BACH2: variants seen among roughly 807,000 people sequenced by gnomAD.
BACH2 encodes the protein transcription regulator protein BACH2.
In BACH2, 5 loss-of-function variants were observed where a neutral mutation model predicts 61.8. That is an observed-to-expected ratio of 0.08 (90% CI 0.04 to 0.17). BACH2 has a LOEUF of 0.17. Ranked by LOEUF, BACH2 falls within the 10% of genes least tolerant of loss-of-function variation. The pLI is 1.00. For missense variants in BACH2, 824 were observed against 1,091.1 expected (o/e 0.76, Z 3.45); for synonymous variants, 446 against 440.1 (o/e 1.01, Z -0.17).
chr6:90,123,189 G>A (rs1056574997), intron 4 of BACH2, among the ~76,000 whole-genome samples: 7 of 152,180 alleles, frequency 4.6e-5, no homozygotes, highest in African/African-American at 7.2e-5. Context: ...CAGAAGAGAA[G>A]ACAGAGGAGA....
chr6:90,040,466 T>A (rs544112179), intron 5 of BACH2, among the ~76,000 whole-genome samples: 9 of 152,126 alleles, frequency 5.9e-5, no homozygotes, highest in Admixed American at 2.0e-4. Flanking sequence ...ACGTTTGTAG[T>A]ATATTTTAAT....
intron 4 of BACH2, among the ~76,000 whole-genome samples, chr6:90,112,734 A>C (rs1212947539): frequency 6.6e-6 from 1 of 152,156 alleles, no homozygotes; most frequent in Non-Finnish European, 1.5e-5. Flanking sequence ...ACAATGACAT[A>C]ACCAAATTCA....
At chr6:90,122,407 GAACA>G (rs1489032901) in intron 4 of BACH2, among the ~76,000 whole-genome samples, 48 of 151,108 alleles carry the variant, frequency 3.2e-4, no homozygotes, top group African/African-American at 1.2e-3. Flanking sequence ...AGAACAACAA[GAACA>G]ATCAAAAAAA....
At chr6:90,102,822 AATAATAATAATAATAAT>A (rs1782708292) in intron 4 of BACH2, among the ~76,000 whole-genome samples, 2 of 139,868 alleles carry the variant, frequency 1.4e-5, no homozygotes, top group African/African-American at 2.6e-5. Context: ...TAATAATAAT[AATAATAATAATAATAAT>A]AAAAATAAAA....
intron 5 of BACH2, among the ~76,000 whole-genome samples, chr6:90,039,518 G>A (rs1342889108): frequency 6.6e-5 from 10 of 152,020 alleles, no homozygotes; most frequent in African/African-American, 2.4e-4. Flanking sequence ...CTGAGTAGTC[G>A]GGACCACAGG....
At chr6:90,093,225 A>C (rs911746320) in intron 4 of BACH2, among the ~76,000 whole-genome samples, 28 of 152,128 alleles carry the variant, frequency 1.8e-4, no homozygotes, top group African/African-American at 6.5e-4. Context: ...TAACAGTTTT[A>C]CTGTTGTTTG....
intron 5 of BACH2, among the ~76,000 whole-genome samples, chr6:90,009,727 G>A (rs926071744): frequency 2.6e-5 from 4 of 152,286 alleles, no homozygotes; most frequent in Admixed American, 1.3e-4. Flanking sequence ...GCAATGGTGC[G>A]ATTCTCAGCT....
intron 5 of BACH2, among the ~76,000 whole-genome samples, chr6:90,013,942 C>T (rs1321048911): frequency 6.6e-6 from 1 of 152,022 alleles, no homozygotes; most frequent in African/African-American, 2.4e-5. Flanking sequence ...CCATACCTGG[C>T]TAATTATTTC....
rs1219887573 is a variant in BACH2, at chr6:89,928,299, G to A, written c.*4109C>T. 3 of 152,316 alleles carry A rather than the reference G, an allele frequency of 2.0e-5. No individual in the cohort carries two copies. In the East Asian group the frequency reaches 5.6e-4, roughly 29 times the overall value. The allele number at this position is 152,316 out of a possible 1,614,324, so 9.4% of individuals were successfully genotyped here. ...TAGTTTAAATGGGGCATAATGTAGA[G>A]AAGTAGGTAGCCAAATAGGGACTTG... On this transcript the variant is annotated 3_prime_UTR_variant, in exon 9 of 9. Transcript: ENST00000257749.
At chr6:90,166,301 A>G (rs1296445949) in intron 4 of BACH2, among the ~76,000 whole-genome samples, 3 of 152,054 alleles carry the variant, frequency 2.0e-5, no homozygotes, top group Non-Finnish European at 4.4e-5. Flanking sequence ...GACACATGAA[A>G]AAATGCTCAT....
intron 5 of BACH2, among the ~76,000 whole-genome samples, chr6:90,031,275 T>C (rs1285998828): frequency 1.3e-5 from 2 of 152,008 alleles, no homozygotes; most frequent in East Asian, 1.9e-4. Flanking sequence ...CTGGAAGCAT[T>C]CCCTTTGAAA....
chr6:90,170,173 G>T (rs1767764549), intron 4 of BACH2, among the ~76,000 whole-genome samples: 1 of 151,984 alleles, frequency 6.6e-6, no homozygotes, highest in Non-Finnish European at 1.5e-5. Context: ...ATATTTAAAG[G>T]AACTTTCTGC....
At chr6:89,956,424 C>T (rs1774431681) in intron 6 of BACH2, among the ~76,000 whole-genome samples, 1 of 152,140 alleles carries the variant, frequency 6.6e-6, no homozygotes, top group Non-Finnish European at 1.5e-5. Flanking sequence ...GGCCAGGGTA[C>T]CGTGTCCGAT....
chr6:89,999,179 GT>G (rs1396456105), intron 6 of BACH2, among the ~76,000 whole-genome samples: 2 of 152,180 alleles, frequency 1.3e-5, no homozygotes, highest in African/African-American at 4.8e-5. Context: ...CATAATCAAT[GT>G]TTGCCTTCTA....
chr6:89,935,111 G>A (rs1269237224), intron 8 of BACH2, among the ~76,000 whole-genome samples: 2 of 152,278 alleles, frequency 1.3e-5, no homozygotes, highest in Non-Finnish European at 2.9e-5. Context: ...CGGCGTGGGA[G>A]TGGGGAGTGA....
intron 5 of BACH2, among the ~76,000 whole-genome samples, chr6:90,057,502 G>C (rs944082527): frequency 2.0e-5 from 3 of 152,116 alleles, no homozygotes; most frequent in African/African-American, 7.2e-5. Flanking sequence ...ACCAAAAAAA[G>C]TCCAGGAACC....
At chr6:90,143,482 C>A (rs1325795848) in intron 4 of BACH2, among the ~76,000 whole-genome samples, 2 of 152,136 alleles carry the variant, frequency 1.3e-5, no homozygotes, top group African/African-American at 2.4e-5. Context: ...GTTACCTGAA[C>A]CACACCTCCC....
intron 5 of BACH2, among the ~76,000 whole-genome samples, chr6:90,011,930 ATATGTGTG>A (rs1273379563): frequency 1.2e-4 from 12 of 98,770 alleles, no homozygotes; most frequent in African/African-American, 2.8e-4. Flanking sequence ...AAAAAAAAAA[ATATGTGTG>A]TGTGTGTGTG....
At chr6:89,971,041 CTATT>C (rs1255900957) in intron 6 of BACH2, among the ~76,000 whole-genome samples, 2 of 152,160 alleles carry the variant, frequency 1.3e-5, no homozygotes. Context: ...AGAATAAAGG[CTATT>C]TTATTTATTA....
Sources: gnomAD v4.1 joint callset for allele counts (sites outside exome capture counted in the v4.1 genomes callset) on GRCh38, gnomAD v4.1.1 for gene constraint, MANE v1.5 for transcripts, NCBI Gene and HGNC (gene_info 2026-07-23, HGNC 2026-07-21) for gene names.